Variants in SSR1 observed in about 807,000 individuals in gnomAD.
SSR1 encodes signal sequence receptor subunit 1.
A neutral mutation model predicts 36.1 loss-of-function variants in SSR1; 13 were observed. The ratio of observed to expected loss-of-function variants is 0.36; its 90% CI spans 0.23 to 0.57. The LOEUF is 0.57. Among genes scored for constraint, SSR1 ranks in the 20% least tolerant of loss-of-function variants. The pLI is 0.81. For synonymous variants in SSR1, 113 were observed against 118.9 expected (o/e 0.95, Z 0.32); for missense variants, 291 against 338.5 (o/e 0.86, Z 1.10).
At chr6:7,303,432 G>A (rs11243152) in intron 3 of SSR1, 118 bp downstream of exon 3, 41,375 of 606,226 alleles carry the variant, frequency 0.068, 1,900 homozygotes, top group East Asian at 0.19. Context: ...TATCACCTAC[G>A]TATTCCCTTT....
chr6:7,286,941 A>G lies in SSR1; in HGVS notation c.*2923T>C, dbSNP rs894005450. On this transcript the variant is annotated 3_prime_UTR_variant, in exon 8 of 8. Coordinates refer to ENST00000244763, the MANE Select transcript of SSR1 (RefSeq NM_003144.5). The stretch of plus-strand genomic sequence containing the variant: ...CAAAAAAAAAAAAAAAAAAAAAAGT[A>G]CTATGGAAGTACTTAAGTACATCTG... 4.9e-5 allele frequency: 7 copies of G among 144,164 alleles called. No homozygotes were observed. The highest frequency in any genetic ancestry group is 1.8e-4 in the African/African-American group (7 of 38,626). The allele number at this position is 144,164 out of a possible 1,614,324, so 8.9% of individuals were successfully genotyped here.
intron 5 of SSR1, chr6:7,298,535 A>G (rs759662491): frequency 1.4e-5 from 7 of 510,238 alleles, no homozygotes; most frequent in Non-Finnish European, 2.4e-5. Context: ...TAACTTTTAA[A>G]GAGATTCTTC....
chr6:7,298,906 C>G, intron 4 of SSR1, 83 bp from the exon 5 acceptor site: 1 of 1,098,512 alleles, frequency 9.1e-7, no homozygotes. Context: ...AACAGTTACT[C>G]TAACAGATTG....
At chr6:7,291,279 T>G (rs1034161536) in intron 7 of SSR1, among the ~76,000 whole-genome samples, 2 of 151,972 alleles carry the variant, frequency 1.3e-5, no homozygotes, top group Non-Finnish European at 2.9e-5. Context: ...ACGCCTGTGA[T>G]CTCAGCTACT....
intron 7 of SSR1, chr6:7,295,041 G>T (rs1290055797): frequency 1.4e-6 from 2 of 1,455,762 alleles, no homozygotes; most frequent in Non-Finnish European, 1.8e-6. Flanking sequence ...CTATTTGAGA[G>T]CCCCCAATTC....
Position 7,289,934 on chromosome 6 carries a change from G to T in SSR1, c.794-3C>A. 1 of 1,532,970 alleles carries T rather than the reference G, an allele frequency of 6.5e-7. No individual in the cohort carries two copies. The highest frequency in any genetic ancestry group is 2.5e-5 in the East Asian group (1 of 39,596). The allele number at this position is 1,532,970 out of a possible 1,614,324, so 95.0% of individuals were successfully genotyped here. On this transcript the variant is annotated splice_region_variant and splice_polypyrimidine_tract_variant and intron_variant, in intron 7 of 7. Coordinates refer to ENST00000244763, the MANE Select transcript of SSR1 (RefSeq NM_003144.5). The stretch of plus-strand genomic sequence containing the variant: ...CAACCTTCTTGGTGAAGCTTTATCT[G>T]GAAGAAAAGAGAAAGTTTTAAGCTT...
chr6:7,310,460 T>C (rs915101428), intron 1 of SSR1, among the ~76,000 whole-genome samples: 4 of 152,174 alleles, frequency 2.6e-5, no homozygotes, highest in Non-Finnish European at 5.9e-5. Context: ...GAAAAATGAA[T>C]GGCACAAACT....
intron 6 of SSR1, 63 bp downstream of exon 6, chr6:7,297,860 T>A: frequency 7.7e-7 from 1 of 1,301,808 alleles, no homozygotes; most frequent in South Asian, 1.2e-5. Context: ...AGAACTAGAC[T>A]GCTTAACTTA....
intron 6 of SSR1, among the ~76,000 whole-genome samples, chr6:7,297,520 G>A (rs1757827766): frequency 6.6e-6 from 1 of 152,034 alleles, no homozygotes; most frequent in Non-Finnish European, 1.5e-5. Context: ...GAGTTCAGGA[G>A]TTTGAGACCA....
rs1757426718 is a variant in SSR1 at position 7,281,852 on chromosome 6, G to A, written c.*8012C>T. 6.6e-6 allele frequency: 1 copy of A among 152,220 alleles called. No homozygotes were observed. Among genetic ancestry groups the A allele is most frequent in the Non-Finnish European group, 1.5e-5 (1 of 68,052 alleles). 9.4% of individuals were successfully genotyped at this position (152,220 alleles called of 1,614,324 possible). A position where few individuals can be genotyped will look rare whatever the true frequency, so the allele number is the denominator to read the frequency against. ...AGTGAAAATGAGTCACAGGCAGTTA[G>A]AATGGCGTTAAGGAAACCATTTAGG... is the stretch of plus-strand genomic sequence containing the variant. On this transcript the variant is annotated 3_prime_UTR_variant, in exon 8 of 8. Coordinates refer to ENST00000244763, the MANE Select transcript of SSR1 (RefSeq NM_003144.5).
chr6:7,313,001 T>TC, intron 1 of SSR1, 41 bp downstream of exon 1: 2 of 1,560,452 alleles, frequency 1.3e-6, no homozygotes, highest in South Asian at 2.3e-5. Flanking sequence ...CACTGGCATC[T>TC]CCTTCCTGGC....
chr6:7,310,637 G>C (rs1301255191), intron 1 of SSR1, among the ~76,000 whole-genome samples: 1 of 152,168 alleles, frequency 6.6e-6, no homozygotes, highest in African/African-American at 2.4e-5. Context: ...CTTGGCCGGC[G>C]CGGTGGCTCA....
In SSR1 at chr6:7,285,822, G is replaced by C. The variant is rs1414939640; in HGVS notation, c.*4042C>G. ...TGAAGATTTATCTTTCAATCCTTTA[G>C]AGCTTGAAAATGCAATCAACCCATG... On this transcript the variant is annotated 3_prime_UTR_variant, in exon 8 of 8. Transcript: ENST00000244763. The surrounding 1 kb of genome is among the most constrained non-coding windows in gnomAD (Gnocchi z 4.1). The C allele has an allele frequency of 6.6e-6, 1 of 152,126 alleles. No homozygotes were observed. The highest frequency in any genetic ancestry group is 1.5e-5 in the Non-Finnish European group (1 of 68,034). The allele number at this position is 152,126 out of a possible 1,614,324, so 9.4% of individuals were successfully genotyped here.
At chr6:7,295,162 T>C in intron 7 of SSR1, 2 of 1,487,240 alleles carry the variant, frequency 1.3e-6, no homozygotes, top group South Asian at 1.3e-5. Context: ...AATTCACACA[T>C]TCATAAATAA....
chr6:7,295,139 T>C (rs1427807851), intron 7 of SSR1: 1 of 1,511,720 alleles, frequency 6.6e-7, no homozygotes, highest in Admixed American at 2.3e-5. Flanking sequence ...GGAAATGGAT[T>C]AGGAACACAG....
intron 3 of SSR1, among the ~76,000 whole-genome samples, chr6:7,303,284 G>C (rs571175582): frequency 6.6e-6 from 1 of 150,406 alleles, no homozygotes; most frequent in East Asian, 2.0e-4. Context: ...TCGAGAGGGG[G>C]CCACTGCTCT....
Position 7,306,882 on chromosome 6 carries a change from A to C in SSR1, c.192+3035T>G, listed in dbSNP as rs138852392. On this transcript the variant is annotated intron_variant, in intron 2 of 7. Coordinates refer to ENST00000244763, the MANE Select transcript of SSR1 (RefSeq NM_003144.5). ...AGTGAGCGGAGATCCACGCCACTGC[A>C]CTCCAGCCTGGGCGACAGAGCGAGA... Among the ~76,000 whole-genome samples the C allele has an allele frequency of 4.9e-3, 654 of 132,970 alleles. 10 individuals carry two copies. Among genetic ancestry groups the C allele is most frequent in the African/African-American group, 0.019 (614 of 32,888 alleles). The allele number at this position is 132,970 out of a possible 152,430, so 87.2% of individuals were successfully genotyped here. A position where few individuals can be genotyped will look rare whatever the true frequency, so the allele number is the denominator to read the frequency against.
chr6:7,282,761 C>T lies in SSR1; in HGVS notation c.*7103G>A, dbSNP rs529621706. ...GGCTCAGCCTCCTCTAGATCTGATT[C>T]CCACAGTGGAGGGACAAAGGGCCAG... On this transcript the variant is annotated 3_prime_UTR_variant, in exon 8 of 8. Coordinates refer to ENST00000244763, the MANE Select transcript of SSR1 (RefSeq NM_003144.5). 6.6e-6 allele frequency: 1 copy of T among 152,336 alleles called. No individual in the cohort carries two copies. The highest frequency in any genetic ancestry group is 2.4e-5 in the African/African-American group (1 of 41,564). The allele number at this position is 152,336 out of a possible 1,614,324, so 9.4% of individuals were successfully genotyped here.
intron 6 of SSR1, chr6:7,297,204 G>C: frequency 8.6e-6 from 1 of 116,864 alleles, no homozygotes. Flanking sequence ...GGATGAAAGA[G>C]CCAGACTGTC....
Sources: gnomAD v4.1 joint callset for allele counts (sites outside exome capture counted in the v4.1 genomes callset) on GRCh38, gnomAD v4.1.1 for gene constraint, Gnocchi (gnomAD v3.1) non-coding constraint, MANE v1.5 for transcripts, NCBI Gene and HGNC (gene_info 2026-07-23, HGNC 2026-07-21) for gene names.